Variants in RNF220 observed in about 807,000 individuals in gnomAD.
The protein encoded by RNF220 is E3 ubiquitin-protein ligase RNF220.
Under a neutral mutation model 67.1 loss-of-function variants are expected in RNF220, and 7 were observed. That is an observed-to-expected ratio of 0.10 (90% CI 0.06 to 0.20). The LOEUF is 0.20. Ranked by LOEUF, RNF220 falls within the 10% of genes least tolerant of loss-of-function variation. The probability of loss-of-function intolerance (pLI) is 1.00; values close to 1 mark genes in which losing one functional copy is unlikely to be tolerated. For missense variants in RNF220, 565 were observed against 740.3 expected (o/e 0.76, Z 2.75); for synonymous variants, 270 against 283.2 (o/e 0.95, Z 0.47).
chr1:44,538,283 C>T (rs1661392412), intron 2 of RNF220, among the ~76,000 whole-genome samples: 1 of 152,188 alleles, frequency 6.6e-6, no homozygotes, highest in Non-Finnish European at 1.5e-5. Flanking sequence ...TATTTTCTCT[C>T]TTGTCATGTC....
rs1346510509 is a variant in RNF220, at chr1:44,491,587, G to A, written c.625+78865G>A. Among the ~76,000 whole-genome samples the A allele has an allele frequency of 5.3e-5, 8 of 151,894 alleles. No homozygotes were observed. In the East Asian group the frequency reaches 1.5e-3, roughly 29 times the overall value. On this transcript the variant is annotated intron_variant, in intron 2 of 14. Coordinates refer to ENST00000361799, the MANE Select transcript of RNF220 (RefSeq NM_018150.4). Reference sequence around the variant, plus strand: ...ATTCAACAAACTAGGAATAGAAGGGGCCTTCCTCCATGCTTAATGGTGAAA... The same window carrying A: ...ATTCAACAAACTAGGAATAGAAGGGACCTTCCTCCATGCTTAATGGTGAAA...
Position 44,621,026 on chromosome 1 carries a change from C to T in RNF220, c.759-1716C>T, listed in dbSNP as rs148519798. Among the ~76,000 whole-genome samples, 33 of 152,052 alleles carry T rather than the reference C, an allele frequency of 2.2e-4. No homozygotes were observed. Among genetic ancestry groups the T allele is most frequent in the African/African-American group, 7.2e-4 (30 of 41,440 alleles). On this transcript the variant is annotated intron_variant, in intron 3 of 14. Transcript: ENST00000361799. The surrounding 1 kb of genome is among the most constrained non-coding windows in gnomAD (Gnocchi z 4.8). ...TCCCTCCTGGATTCAAGCGATTCTC[C>T]TGCCTCAGCCTCCCGAGTAGCTGGG...
intron 2 of RNF220, among the ~76,000 whole-genome samples, chr1:44,553,729 A>G (rs1032021020): frequency 2.0e-5 from 3 of 152,210 alleles, no homozygotes; most frequent in Non-Finnish European, 2.9e-5. Flanking sequence ...AATGCCTGCT[A>G]TACTAGTCAG....
In RNF220 at chr1:44,556,681, TCC is replaced by T. The variant is rs1373752078; in HGVS notation, c.626-57482_626-57481del. On this transcript the variant is annotated intron_variant, in intron 2 of 14. Transcript: ENST00000361799. ...TTCATGCCATTCTCCTGCCTCAGTC[TCC>T]CTAGTAGCTGGGACTACAGGCGCCT... 5.8e-3 allele frequency among the ~76,000 whole-genome samples: 874 copies of T among 151,840 alleles called. 12 individuals carry two copies. Among genetic ancestry groups the T allele is most frequent in the African/African-American group, 0.021 (850 of 41,270 alleles).
intron 2 of RNF220, among the ~76,000 whole-genome samples, chr1:44,502,157 T>TCTCACA (rs1347212539): frequency 5.8e-4 from 84 of 144,190 alleles, no homozygotes; most frequent in African/African-American, 2.1e-3. Flanking sequence ...TCTCTCTCTC[T>TCTCACA]CACACACACA....
chr1:44,613,480 T>C (rs1049101949), intron 2 of RNF220, among the ~76,000 whole-genome samples: 2 of 152,320 alleles, frequency 1.3e-5, no homozygotes, highest in East Asian at 1.9e-4. Context: ...GCCGGCCAGG[T>C]GCGGTGGCTC....
chr1:44,454,364 T>C (rs1257645600), intron 2 of RNF220, among the ~76,000 whole-genome samples: 1 of 152,176 alleles, frequency 6.6e-6, no homozygotes, highest in African/African-American at 2.4e-5. Flanking sequence ...AATTTATGTA[T>C]ACTGGAAAAT....
At chr1:44,529,921 G>A (rs1299148024) in intron 2 of RNF220, among the ~76,000 whole-genome samples, 1 of 152,034 alleles carries the variant, frequency 6.6e-6, no homozygotes, top group Non-Finnish European at 1.5e-5. Context: ...GGGCATGGTG[G>A]TGGGCGCCTC....
At chr1:44,474,734 A>G (rs554604593) in intron 2 of RNF220, among the ~76,000 whole-genome samples, 1 of 152,122 alleles carries the variant, frequency 6.6e-6, no homozygotes, top group African/African-American at 2.4e-5. Flanking sequence ...AAAAACAACA[A>G]TACAAAAATA....
chr1:44,548,469 C>T (rs1662353510), intron 2 of RNF220, among the ~76,000 whole-genome samples: 1 of 152,108 alleles, frequency 6.6e-6, no homozygotes, highest in African/African-American at 2.4e-5. Context: ...CTTCATTCAG[C>T]CTCTGGTACT....
At chr1:44,518,870 G>A (rs1473620252) in intron 2 of RNF220, among the ~76,000 whole-genome samples, 4 of 148,906 alleles carry the variant, frequency 2.7e-5, no homozygotes, top group African/African-American at 7.5e-5. Flanking sequence ...GCAAGACTCC[G>A]TCTAAAAAAC....
At chr1:44,581,132 A>G (rs1242211589) in intron 2 of RNF220, among the ~76,000 whole-genome samples, 1 of 152,186 alleles carries the variant, frequency 6.6e-6, no homozygotes, top group Non-Finnish European at 1.5e-5. Context: ...GGTTCATTTG[A>G]TGACATCTTC....
chr1:44,484,287 T>C (rs535161673), intron 2 of RNF220, among the ~76,000 whole-genome samples: 70 of 152,122 alleles, frequency 4.6e-4, no homozygotes, highest in Non-Finnish European at 8.8e-4. Context: ...TAGGAGACTT[T>C]TATTGGCCCA....
At chr1:44,542,661 G>GC (rs1299018933) in intron 2 of RNF220, among the ~76,000 whole-genome samples, 5 of 152,136 alleles carry the variant, frequency 3.3e-5, no homozygotes, top group African/African-American at 1.2e-4. Flanking sequence ...ACTTCAGGGT[G>GC]ATCCGTAACT....
rs1648677165 is a variant in RNF220 at position 44,417,546 on chromosome 1, T to C, written c.625+4824T>C. Reference sequence around the variant, plus strand: ...CTGCCCTCGCTCCACGCCGCGCCGCTCTGTGCGGCGGCTGCCTCCTCTTAC... The same window carrying C: ...CTGCCCTCGCTCCACGCCGCGCCGCCCTGTGCGGCGGCTGCCTCCTCTTAC... On this transcript the variant is annotated intron_variant, in intron 2 of 14. Transcript: ENST00000361799. This position sits in a 1 kb window ranked among gnomAD's most constrained non-coding sequence, Gnocchi z 4.0. Among the ~76,000 whole-genome samples, 1 of 151,960 alleles carries C rather than the reference T, an allele frequency of 6.6e-6. No homozygotes were observed. The highest frequency in any genetic ancestry group is 6.5e-5 in the Admixed American group (1 of 15,280).
intron 9 of RNF220, 80 bp downstream of exon 9, chr1:44,644,874 C>T: frequency 1.3e-6 from 2 of 1,509,634 alleles, no homozygotes; most frequent in Non-Finnish European, 1.8e-6. Flanking sequence ...TTCTAGTATT[C>T]ACCTGCACCA....
intron 2 of RNF220, among the ~76,000 whole-genome samples, chr1:44,596,459 G>C (rs1172507743): frequency 1.3e-5 from 2 of 148,886 alleles, no homozygotes; most frequent in Non-Finnish European, 3.0e-5. Flanking sequence ...CTACTCGGGA[G>C]GCTGAGGCAG....
intron 2 of RNF220, among the ~76,000 whole-genome samples, chr1:44,536,290 C>T (rs1201938264): frequency 6.6e-6 from 1 of 152,224 alleles, no homozygotes; most frequent in African/African-American, 2.4e-5. Context: ...AGAACATCTT[C>T]TCAGAACAAG....
chr1:44,471,025 G>C (rs906619626), intron 2 of RNF220, among the ~76,000 whole-genome samples: 5 of 152,122 alleles, frequency 3.3e-5, no homozygotes, highest in African/African-American at 7.2e-5. Context: ...TCAGGCATTC[G>C]AGGCTGCAGT....
Sources: allele counts gnomAD v4.1 joint callset (sites outside exome capture counted in the v4.1 genomes callset), GRCh38; gene constraint gnomAD v4.1.1; non-coding constraint Gnocchi (gnomAD v3.1); transcripts MANE v1.5; gene names NCBI Gene and HGNC (gene_info 2026-07-23, HGNC 2026-07-21).